Variants in KRT78 observed in about 807,000 individuals in gnomAD.
The protein encoded by KRT78 is keratin, type II cytoskeletal 78.
KRT78 carries 55 observed loss-of-function variants against 51.4 expected under a neutral mutation model. The observed-to-expected ratio is 1.07, with a 90% CI of 0.86 to 1.34. The LOEUF is 1.34. Ranked by LOEUF, KRT78 falls within the 40% of genes most tolerant of loss-of-function variation. The probability of loss-of-function intolerance (pLI) is 0.00; values close to 1 mark genes in which losing one functional copy is unlikely to be tolerated. For synonymous variants in KRT78, 291 were observed against 264.3 expected (o/e 1.10, Z -0.98); for missense variants, 652 against 649.4 (o/e 1.00, Z -0.04).
intron 6 of KRT78, among the ~76,000 whole-genome samples, chr12:52,840,644 T>C (rs567715445): frequency 6.6e-6 from 1 of 151,682 alleles, no homozygotes; most frequent in Admixed American, 6.6e-5. Context: ...GAGGTGGAGG[T>C]TGCAGTGAGC....
At chr12:52,842,699 C>T (rs1174208044) in intron 6 of KRT78, among the ~76,000 whole-genome samples, 1 of 151,972 alleles carries the variant, frequency 6.6e-6, no homozygotes, top group Non-Finnish European at 1.5e-5. Context: ...TGGTGGATCA[C>T]CTGATGTCAG....
At chr12:52,842,823 C>T (rs1393912303) in intron 6 of KRT78, among the ~76,000 whole-genome samples, 1 of 150,978 alleles carries the variant, frequency 6.6e-6, no homozygotes, top group East Asian at 1.9e-4. Context: ...GAGGCTGAGG[C>T]AGAATTGCTG....
At position 52,844,716 on chromosome 12, in the gene KRT78, C is replaced by T. The variant is rs781504276; in HGVS notation, c.764G>A (p.Gly255Asp). The change falls in exon 5 of 9, where the codon GGC becomes GAC. Residue 255 changes from glycine (G) to aspartate (D), a missense_variant. Transcript: ENST00000304620. ...FLKHLNEEEL[G>D]QLQTQASDTS... ...GTCGCTGGCCTGGGTCTGGAGCTGGCCCAGCTCCTGCAGGGAAGACAGACT... is the reference window on the plus strand; with the variant it reads ...GTCGCTGGCCTGGGTCTGGAGCTGGTCCAGCTCCTGCAGGGAAGACAGACT... 7 of 1,609,044 alleles carry T rather than the reference C, an allele frequency of 4.4e-6. No homozygotes were observed. Among genetic ancestry groups the T allele is most frequent in the East Asian group, 2.2e-5 (1 of 44,744 alleles).
At chr12:52,843,983 C>G (rs1940578349) in intron 6 of KRT78, 110 bp downstream of exon 6, 2 of 1,357,710 alleles carry the variant, frequency 1.5e-6, no homozygotes, top group Non-Finnish European at 2.0e-6. Context: ...TATCAAGGTC[C>G]TCGACACAAA....
intron 6 of KRT78, 62 bp downstream of exon 6, chr12:52,844,031 T>C (rs1434612746): frequency 7.5e-6 from 12 of 1,592,824 alleles, no homozygotes; most frequent in Non-Finnish European, 1.0e-5. Context: ...AGCTAGGAAC[T>C]GGGAAGTGAG....
intron 6 of KRT78, among the ~76,000 whole-genome samples, chr12:52,842,703 A>T (rs1432571322): frequency 1.3e-5 from 2 of 151,950 alleles, no homozygotes; most frequent in Non-Finnish European, 2.9e-5. Flanking sequence ...GGATCACCTG[A>T]TGTCAGGAGT....
Position 52,838,935 on chromosome 12 carries a change from A to G in KRT78, c.*178T>C. The G allele has an allele frequency of 1.4e-6, 1 of 702,504 alleles. No individual in the cohort carries two copies. Among genetic ancestry groups the G allele is most frequent in the Non-Finnish European group, 2.3e-6 (1 of 429,332 alleles). The allele number at this position is 702,504 out of a possible 1,614,324, so 43.5% of individuals were successfully genotyped here. A position where few individuals can be genotyped will look rare whatever the true frequency, so the allele number is the denominator to read the frequency against. On this transcript the variant is annotated 3_prime_UTR_variant, in exon 9 of 9. Transcript: ENST00000304620. ...CACACAGCTTTTGTTTTGCTGGGTG[A>G]GGTGTGCAAGCACTTAGAGCATTCA...
intron 3 of KRT78, 23 bp downstream of exon 3, chr12:52,846,741 G>T: frequency 6.2e-7 from 1 of 1,608,484 alleles, no homozygotes; most frequent in Non-Finnish European, 8.5e-7. Context: ...GAACGTAAGT[G>T]GAGCACTGGC....
At position 52,839,312 on chromosome 12, in the gene KRT78, C is replaced by T. The variant is rs1021093714; in HGVS notation, c.1364G>A (p.Cys455Tyr). The T allele has an allele frequency of 4.3e-6, 7 of 1,613,780 alleles. No individual in the cohort carries two copies. Among genetic ancestry groups the T allele is most frequent in the African/African-American group, 1.3e-5 (1 of 74,908 alleles). ...GGVGGGLGSTCGLGSGKGSPG... is the reference protein window; with the variant it reads ...GGVGGGLGSTYGLGSGKGSPG... ...GCTGCCTTTCCCACTACCGAGTCCA[C>T]AAGTGCTCCCCAAGCCTCCACCAAC... Residue 455 changes from cysteine to tyrosine, a missense_variant, in exon 9 of 9, where the codon TGT (cysteine) becomes TAT (tyrosine). Physicochemically the swap from Cys to Tyr is radical, Grantham distance 194. Coordinates refer to ENST00000304620, the MANE Select transcript of KRT78 (RefSeq NM_173352.4).
At chr12:52,839,693 C>T in intron 7 of KRT78, 71 bp downstream of exon 7, 1 of 1,453,912 alleles carries the variant, frequency 6.9e-7, no homozygotes, top group Non-Finnish European at 9.6e-7. Context: ...CTTTAGCAAG[C>T]AGCTCACTGT....
chr12:52,848,969 C>T lies in KRT78; in HGVS notation c.-39G>A, dbSNP rs921981161. 4.0e-6 allele frequency: 6 copies of T among 1,508,868 alleles called. No individual in the cohort carries two copies. In the African/African-American group the frequency reaches 7.0e-5, roughly 18 times the overall value. The allele number at this position is 1,508,868 out of a possible 1,614,324, so 93.5% of individuals were successfully genotyped here. On this transcript the variant is annotated 5_prime_UTR_variant, in exon 1 of 9. Transcript: ENST00000304620. ...AGTCACGCAGCTGCAGACGGACAGA[C>T]AGATTGTCAAGGTGTGTGAGTTTCT... is the stretch of plus-strand genomic sequence containing the variant.
intron 2 of KRT78, among the ~76,000 whole-genome samples, chr12:52,847,336 C>T (rs1473861899): frequency 1.3e-5 from 2 of 152,158 alleles, no homozygotes; most frequent in African/African-American, 4.8e-5. Context: ...AGATGAGATG[C>T]CTTGCCCAGG....
chr12:52,844,956 C>T (rs1940606691), intron 4 of KRT78, among the ~76,000 whole-genome samples: 1 of 151,766 alleles, frequency 6.6e-6, no homozygotes, highest in Non-Finnish European at 1.5e-5. Flanking sequence ...TGGAAAATGG[C>T]CTGCAAGGCC....
At chr12:52,844,279 T>G in intron 5 of KRT78, 61 bp from the exon 6 acceptor site, 1 of 1,527,546 alleles carries the variant, frequency 6.5e-7, no homozygotes, top group Non-Finnish European at 8.8e-7. Flanking sequence ...GACCATCTCC[T>G]CATGTTTGAA....
chr12:52,848,206 C>A, intron 1 of KRT78, 85 bp from the exon 2 acceptor site: 2 of 1,556,752 alleles, frequency 1.3e-6, no homozygotes, highest in Non-Finnish European at 1.7e-6. Context: ...GGGACCCTCC[C>A]ATCAGCCTCA....
Position 52,844,398 on chromosome 12 carries a change from G to A in KRT78, c.921+161C>T, listed in dbSNP as rs114367836. Among the ~76,000 whole-genome samples the A allele has an allele frequency of 8.8e-3, 1,345 of 152,210 alleles. 21 individuals are homozygous for A. The highest frequency in any genetic ancestry group is 0.03 in the African/African-American group (1,239 of 41,528). ...TTATCTCCCACGGTTCCTCTGCATC[G>A]CCTCCCTCCTGGAGGGGAAATGGCC... On this transcript the variant is annotated intron_variant, in intron 5 of 8. Coordinates refer to ENST00000304620, the MANE Select transcript of KRT78 (RefSeq NM_173352.4).
intron 4 of KRT78, among the ~76,000 whole-genome samples, chr12:52,845,330 C>T (rs1940615768): frequency 6.6e-6 from 1 of 152,000 alleles, no homozygotes; most frequent in African/African-American, 2.4e-5. Context: ...TATCATACTC[C>T]TCTCCCTCTC....
Position 52,839,124 on chromosome 12 carries a change from T to A in KRT78, c.1552A>T (p.Ile518Phe). Residue 518 changes from isoleucine to phenylalanine, a missense_variant, in exon 9 of 9, where the codon ATC becomes TTC. Transcript: ENST00000304620. ...GGCTGCTGGGTCGCTCAGTAGGTGA[T>A]GGATGTCTTCAGACTCGACTCAACT... The part of the protein sequence containing the change: ...KTVESSLKTS[I>F]TY The A allele has an allele frequency of 3.7e-6, 6 of 1,612,980 alleles. No individual in the cohort carries two copies. Among genetic ancestry groups the A allele is most frequent in the Non-Finnish European group, 5.1e-6 (6 of 1,179,786 alleles).
At chr12:52,841,302 C>T (rs779032366) in intron 6 of KRT78, among the ~76,000 whole-genome samples, 6 of 150,610 alleles carry the variant, frequency 4.0e-5, no homozygotes, top group East Asian at 3.9e-4. Context: ...GCTAATACGG[C>T]GAAACCCTGT....
Sources: gnomAD v4.1 joint callset for allele counts (sites outside exome capture counted in the v4.1 genomes callset) on GRCh38, gnomAD v4.1.1 for gene constraint, MANE v1.5 for transcripts, NCBI Gene and HGNC (gene_info 2026-07-23, HGNC 2026-07-21) for gene names.